The following CCDC186 variants were observed in gnomAD, a reference collection of about 807,000 sequenced individuals.
CCDC186 encodes coiled-coil domain-containing protein 186.
CCDC186 carries 49 observed loss-of-function variants against 113.7 expected under a neutral mutation model. That is an observed-to-expected ratio of 0.43 (90% CI 0.34 to 0.55). The LOEUF (loss-of-function observed/expected upper bound fraction) is 0.55, where lower values mean the gene tolerates loss of function less well. Among genes scored for constraint, CCDC186 ranks in the 20% least tolerant of loss-of-function variants. The probability of loss-of-function intolerance (pLI) is 0.02; values close to 1 mark genes in which losing one functional copy is unlikely to be tolerated. For synonymous variants in CCDC186, 355 were observed against 345.8 expected (o/e 1.03, Z -0.30); for missense variants, 890 against 1,011.1 (o/e 0.88, Z 1.62).
At chr10:114,172,228 A>G (rs2032513459) in intron 1 of CCDC186, among the ~76,000 whole-genome samples, 1 of 152,240 alleles carries the variant, frequency 6.6e-6, no homozygotes, top group African/African-American at 2.4e-5. Context: ...CCTTCTTCAA[A>G]GGGAAAGATT....
chr10:114,132,862 T>C (rs1340460133), intron 10 of CCDC186, among the ~76,000 whole-genome samples: 1 of 152,224 alleles, frequency 6.6e-6, no homozygotes, highest in Non-Finnish European at 1.5e-5. Flanking sequence ...GACTGTACTA[T>C]ATCCCTAGCA....
intron 15 of CCDC186, 97 bp downstream of exon 15, chr10:114,125,789 T>C: frequency 1.0e-6 from 1 of 977,004 alleles, no homozygotes; most frequent in East Asian, 2.5e-5. Context: ...CTGCCTTGCA[T>C]TACAGAAACA....
chr10:114,164,114 ATTTTTTTT>A (rs35615169), intron 1 of CCDC186, among the ~76,000 whole-genome samples: 4 of 79,182 alleles, frequency 5.1e-5, no homozygotes, highest in African/African-American at 9.8e-5. Context: ...ATATATATAT[ATTTTTTTT>A]TTTTTTTTTT....
At chr10:114,149,818 C>A (rs71500817) in intron 4 of CCDC186, among the ~76,000 whole-genome samples, 79 of 104,060 alleles carry the variant, frequency 7.6e-4, no homozygotes, top group Non-Finnish European at 1.0e-3. Flanking sequence ...GGAAGGAAGG[C>A]AGGAAGGCAG....
In CCDC186 at chr10:114,162,668, T is replaced by C; in HGVS notation, c.601A>G (p.Lys201Glu). The change falls in exon 2 of 16, where the codon AAA becomes GAA. Residue 201 changes from lysine to glutamate, a missense_variant. Coordinates refer to ENST00000369287, the MANE Select transcript of CCDC186 (RefSeq NM_018017.4). ...LVLFEKCVQD[K>E]YLQQEHIIKK... ...ATGATATGTTCCTGCTGCAAATATT[T>C]ATCTTGCACACACTTTTCAAACAGA... The C allele has an allele frequency of 6.3e-7, 1 of 1,581,788 alleles. No individual in the cohort carries two copies. Among genetic ancestry groups the C allele is most frequent in the Non-Finnish European group, 8.6e-7 (1 of 1,168,542 alleles).
At chr10:114,165,861 A>AAAAAAAAAAAAAT in intron 1 of CCDC186, 1 of 982,222 alleles carries the variant, frequency 1.0e-6, no homozygotes, top group Non-Finnish European at 1.2e-6. Flanking sequence ...AAAAAAAAAA[A>AAAAAAAAAAAAAT]AGTAAGGAGA....
chr10:114,138,490 G>T (rs947515194), intron 6 of CCDC186, among the ~76,000 whole-genome samples: 1 of 151,172 alleles, frequency 6.6e-6, no homozygotes, highest in Non-Finnish European at 1.5e-5. Context: ...GATAGGTTTT[G>T]GCCAGGCTGG....
intron 3 of CCDC186, among the ~76,000 whole-genome samples, chr10:114,154,235 A>G (rs535028700): frequency 4.0e-5 from 6 of 151,290 alleles, no homozygotes; most frequent in Non-Finnish European, 7.4e-5. Context: ...AAAGAAAAGA[A>G]AAAGAAAAAC....
Position 114,133,878 on chromosome 10 carries a change from G to A in CCDC186, c.1655+1035C>T, listed in dbSNP as rs573621073. On this transcript the variant is annotated intron_variant, in intron 10 of 15. Transcript: ENST00000369287. ...TTTGGCTGCAAAGGAAAGGAGAAAA[G>A]CTGGCAGGGCAAAGCCACAGGAGTT... Among the ~76,000 whole-genome samples, 19 of 152,278 alleles carry A rather than the reference G, an allele frequency of 1.2e-4. No homozygotes were observed. In the East Asian group the frequency reaches 3.1e-3, roughly 25 times the overall value.
chr10:114,127,734 T>C (rs1426493973), intron 13 of CCDC186, 63 bp from the exon 14 acceptor site: 2 of 1,319,926 alleles, frequency 1.5e-6, no homozygotes, highest in African/African-American at 1.5e-5. Context: ...TCATCTCATA[T>C]ATTACTTATT....
At chr10:114,165,791 T>C (rs886950729) in intron 1 of CCDC186, 15 of 654,760 alleles carry the variant, frequency 2.3e-5, no homozygotes, top group African/African-American at 4.4e-5. Flanking sequence ...GAGGTTGTAG[T>C]GGGCCAAGAT....
At chr10:114,149,041 A>G (rs2119790914) in intron 4 of CCDC186, among the ~76,000 whole-genome samples, 1 of 152,332 alleles carries the variant, frequency 6.6e-6, no homozygotes, top group South Asian at 2.1e-4. Context: ...GAAAATTCTC[A>G]AAAAGTTGGG....
intron 6 of CCDC186, among the ~76,000 whole-genome samples, chr10:114,138,239 C>CA (rs1317236887): frequency 1.7e-4 from 19 of 112,678 alleles, no homozygotes; most frequent in South Asian, 1.5e-3. Flanking sequence ...GACTTTGTCA[C>CA]AAAAAAACAA....
intron 6 of CCDC186, among the ~76,000 whole-genome samples, chr10:114,141,989 A>G (rs1228366282): frequency 6.6e-6 from 1 of 152,202 alleles, no homozygotes; most frequent in Non-Finnish European, 1.5e-5. Context: ...TTGTTATTCC[A>G]TAATACAATA....
intron 13 of CCDC186, among the ~76,000 whole-genome samples, chr10:114,128,668 C>T (rs1251034666): frequency 6.6e-6 from 1 of 152,098 alleles, no homozygotes; most frequent in Non-Finnish European, 1.5e-5. Context: ...GTTTCAAGTG[C>T]TTAGCATGGT....
At position 114,135,903 on chromosome 10, in the gene CCDC186, T is replaced by A. The variant is rs146881014; in HGVS notation, c.1500A>T (p.Thr500=). ...TFKEGMDELR[T]LRTKVKCLED... Reference sequence around the variant, plus strand: ...AAGACTGAATTACCTTTGTTCTCAGTGTTCTTAACTCATCCATACCCTCCT... The same window carrying A: ...AAGACTGAATTACCTTTGTTCTCAGAGTTCTTAACTCATCCATACCCTCCT... Residue 500 remains threonine (T), a synonymous_variant, in exon 9 of 16, where the codon ACA becomes ACT. Coordinates refer to ENST00000369287, the MANE Select transcript of CCDC186 (RefSeq NM_018017.4). 7 of 1,610,264 alleles carry A rather than the reference T, an allele frequency of 4.3e-6. No individual in the cohort carries two copies. Among genetic ancestry groups the A allele is most frequent in the Non-Finnish European group, 5.9e-6 (7 of 1,177,202 alleles).
intron 6 of CCDC186, among the ~76,000 whole-genome samples, chr10:114,144,156 A>C (rs1432502352): frequency 1.3e-5 from 2 of 152,056 alleles, no homozygotes; most frequent in Non-Finnish European, 2.9e-5. Flanking sequence ...TCCCCCGTCC[A>C]ATTTCTCAGT....
chr10:114,165,935 T>A, intron 1 of CCDC186: 1 of 984,900 alleles, frequency 1.0e-6, no homozygotes, highest in Non-Finnish European at 1.2e-6. Context: ...AGCTTCAACT[T>A]TTCTTCAGAG....
At chr10:114,125,462 A>G (rs892916708) in intron 15 of CCDC186, among the ~76,000 whole-genome samples, 2 of 152,188 alleles carry the variant, frequency 1.3e-5, no homozygotes, top group South Asian at 2.1e-4. Flanking sequence ...GCATAAAATG[A>G]TTACTTACTA....
Sources: gnomAD v4.1 joint callset for allele counts (sites outside exome capture counted in the v4.1 genomes callset) on GRCh38, gnomAD v4.1.1 for gene constraint, MANE v1.5 for transcripts, NCBI Gene and HGNC (gene_info 2026-07-23, HGNC 2026-07-21) for gene names.